Variants in MTMR3 observed in about 807,000 individuals in gnomAD.
MTMR3 encodes myotubularin related protein 3.
In MTMR3, 32 loss-of-function variants were observed where a neutral mutation model predicts 132.4. That is an observed-to-expected ratio of 0.24 (90% CI 0.18 to 0.32). The LOEUF is 0.32. Among genes scored for constraint, MTMR3 ranks in the 10% least tolerant of loss-of-function variants. The probability of loss-of-function intolerance (pLI) is 1.00; values close to 1 mark genes in which losing one functional copy is unlikely to be tolerated. For missense variants in MTMR3, 1,216 were observed against 1,489.6 expected (o/e 0.82, Z 3.02); for synonymous variants, 556 against 550.3 (o/e 1.01, Z -0.14).
In MTMR3 at chr22:29,912,864, C is replaced by T. The variant is rs188592429; in HGVS notation, c.-138+29505C>T. Reference sequence around the variant, plus strand: ...TACATCATCCAACTCTTGGCCTGAACTGTTTTAGCTGGCTTGCCTATGTAA... The same window carrying T: ...TACATCATCCAACTCTTGGCCTGAATTGTTTTAGCTGGCTTGCCTATGTAA... On this transcript the variant is annotated intron_variant, in intron 1 of 19. Transcript: ENST00000401950. 6.8e-4 allele frequency among the ~76,000 whole-genome samples: 103 copies of T among 152,330 alleles called. 1 individual carries two copies. Among genetic ancestry groups the T allele is most frequent in the Admixed American group, 1.9e-3 (29 of 15,296 alleles).
At chr22:29,897,513 C>T (rs558796677) in intron 1 of MTMR3, among the ~76,000 whole-genome samples, 11 of 152,184 alleles carry the variant, frequency 7.2e-5, no homozygotes, top group African/African-American at 2.2e-4. Flanking sequence ...TGTGCAGTGG[C>T]GCAATCTCTG....
At chr22:30,007,424 G>A (rs1174162551) in intron 10 of MTMR3, 105 bp downstream of exon 10, 2 of 1,110,006 alleles carry the variant, frequency 1.8e-6, no homozygotes, top group Non-Finnish European at 2.6e-6. Context: ...TTATAGAAGT[G>A]AATGTGCAGA....
At chr22:29,963,056 G>T (rs1249126646) in intron 2 of MTMR3, among the ~76,000 whole-genome samples, 4 of 151,822 alleles carry the variant, frequency 2.6e-5, no homozygotes, top group Admixed American at 1.3e-4. Context: ...GAGTAGCTGG[G>T]ACTACAGGCA....
intron 1 of MTMR3, among the ~76,000 whole-genome samples, chr22:29,896,867 T>TCACACACACACACACACACACACACACA (rs1491465662): frequency 2.2e-4 from 8 of 36,676 alleles, no homozygotes; most frequent in East Asian, 1.7e-3. Context: ...AACAGGCTTG[T>TCACACACACACACACACACACACACACA]CTCACACACA....
At chr22:29,953,072 TGTGTAAAA>T (rs2066115238) in intron 1 of MTMR3, among the ~76,000 whole-genome samples, 1 of 146,692 alleles carries the variant, frequency 6.8e-6, no homozygotes, top group African/African-American at 2.8e-5. Context: ...ATTAAATGCA[TGTGTAAAA>T]AAATCTATTT....
chr22:30,030,643 G>GT lies in MTMR3; in HGVS notation c.*4842_*4843insT, dbSNP rs1316407811. ...GGCTCTCAGCGAGGAGGGGGCGGGG[G>GT]GGGGGTCACTATTTATCTTCCAGAG... On this transcript the variant is annotated 3_prime_UTR_variant, in exon 20 of 20. Coordinates refer to ENST00000401950, the MANE Select transcript of MTMR3 (RefSeq NM_021090.4). The GT allele has an allele frequency of 2.0e-4, 21 of 107,094 alleles. No homozygotes were observed. Among genetic ancestry groups the GT allele is most frequent in the Non-Finnish European group, 1.3e-4 (7 of 53,618 alleles). The allele number at this position is 107,094 out of a possible 1,614,324, so 6.6% of individuals were successfully genotyped here. A position where few individuals can be genotyped will look rare whatever the true frequency, so the allele number is the denominator to read the frequency against.
At chr22:29,991,321 A>G (rs763007131) in intron 6 of MTMR3, 183 bp from the exon 7 acceptor site, 1 of 482,702 alleles carries the variant, frequency 2.1e-6, no homozygotes. Context: ...ATTTTGTTCC[A>G]TTGGCTAACA....
intron 12 of MTMR3, chr22:30,010,815 G>A (rs1208558342): frequency 6.6e-6 from 1 of 152,096 alleles, no homozygotes; most frequent in Non-Finnish European, 1.5e-5. Context: ...ATAAACAATT[G>A]ATCCATCAGG....
intron 1 of MTMR3, among the ~76,000 whole-genome samples, chr22:29,929,801 CGCGCCCG>C (rs2065605257): frequency 6.6e-6 from 1 of 152,108 alleles, no homozygotes; most frequent in Non-Finnish European, 1.5e-5. Flanking sequence ...CGTGAGCCAC[CGCGCCCG>C]GCCTCATAGA....
rs1255404188 is a variant in MTMR3, at chr22:29,973,591, C to G, written c.3+2529C>G. ...GGATTAATTGACTGGTCATCAGTCT[C>G]TCCTTCCCATGTACTTTATTTTTTT... On this transcript the variant is annotated intron_variant, in intron 3 of 19. Coordinates refer to ENST00000401950, the MANE Select transcript of MTMR3 (RefSeq NM_021090.4). Among the ~76,000 whole-genome samples, 4 of 152,018 alleles carry G rather than the reference C, an allele frequency of 2.6e-5. No homozygotes were observed. The East Asian group carries it at 7.7e-4, about 29-fold the overall frequency.
intron 1 of MTMR3, among the ~76,000 whole-genome samples, chr22:29,935,453 A>G (rs998346867): frequency 6.6e-6 from 1 of 152,224 alleles, no homozygotes; most frequent in African/African-American, 2.4e-5. Flanking sequence ...AACATTTAAA[A>G]AAGTGCTAGT....
At chr22:29,973,169 G>A (rs947166503) in intron 3 of MTMR3, among the ~76,000 whole-genome samples, 13 of 152,114 alleles carry the variant, frequency 8.5e-5, no homozygotes, top group Non-Finnish European at 1.9e-4. Context: ...ACTGTAAACC[G>A]CTGTACTAAT....
intron 1 of MTMR3, among the ~76,000 whole-genome samples, chr22:29,936,638 T>C (rs1243087839): frequency 6.6e-6 from 1 of 152,238 alleles, no homozygotes; most frequent in Admixed American, 6.5e-5. Context: ...TGTTCAACTT[T>C]AGAATGAATG....
chr22:29,899,312 C>T (rs1180690339), intron 1 of MTMR3, among the ~76,000 whole-genome samples: 1 of 152,180 alleles, frequency 6.6e-6, no homozygotes, highest in Non-Finnish European at 1.5e-5. Context: ...CTTGGCCTCC[C>T]AGAGTGCTGG....
chr22:29,906,276 CTGT>C (rs1411925054), intron 1 of MTMR3, among the ~76,000 whole-genome samples: 4 of 75,740 alleles, frequency 5.3e-5, no homozygotes, highest in African/African-American at 2.3e-4. Flanking sequence ...GTCTGTCTGT[CTGT>C]CTGTCTGTCT....
chr22:30,019,802 C>G lies in MTMR3; in HGVS notation c.2143C>G (p.Gln715Glu). Residue 715 changes from glutamine to glutamate, a missense_variant, in exon 17 of 20, where the codon CAG becomes GAG. By Grantham distance (29) the Gln-to-Glu change is conservative. This residue lies in a region of MTMR3 where 852 missense variants were observed against 852.0 expected (regional missense o/e 1.00). Coordinates refer to ENST00000401950, the MANE Select transcript of MTMR3 (RefSeq NM_021090.4). ...TGCCCACAGGGCAGGCATTGAGATA[C>G]AGGAGGGTAAAGAGGACCCTCTCTT... is the stretch of plus-strand genomic sequence containing the variant. Reference protein sequence around the residue: ...EPAHRAGIEIQEGKEDPLLEK... With the variant: ...EPAHRAGIEIEEGKEDPLLEK... The G allele has an allele frequency of 6.2e-7, 1 of 1,614,194 alleles. No individual in the cohort carries two copies. The highest frequency in any genetic ancestry group is 1.3e-5 in the African/African-American group (1 of 75,056).
At position 30,007,763 on chromosome 22, in the gene MTMR3, A is replaced by G. The variant is rs892129674; in HGVS notation, c.878-138A>G. 22 of 994,610 alleles carry G rather than the reference A, an allele frequency of 2.2e-5. 1 individual carries two copies. The highest frequency in any genetic ancestry group is 1.6e-4 in the South Asian group (9 of 56,080). The allele number at this position is 994,610 out of a possible 1,614,324, so 61.6% of individuals were successfully genotyped here. ...ACATAGAAAAAAAGAGAAAAATCCT[A>G]TGTATCAAGGGTTTTGGTTAGGGGA... is the stretch of plus-strand genomic sequence containing the variant. On this transcript the variant is annotated intron_variant, in intron 10 of 19. Transcript: ENST00000401950.
At chr22:30,004,391 AT>A (rs1001073058) in intron 9 of MTMR3, 6 of 152,276 alleles carry the variant, frequency 3.9e-5, no homozygotes, top group African/African-American at 1.4e-4. Flanking sequence ...AGGTACTCTT[AT>A]TTGCAAAATA....
rs368999607 is a variant in MTMR3, at chr22:29,957,650, G to C, written c.-85+562G>C. ...ACTTTTTTTGTAGAGACAGGATCTC[G>C]TTCTGTTGCCCAGGCTGATATAGTT... On this transcript the variant is annotated intron_variant, in intron 2 of 19. Coordinates refer to ENST00000401950, the MANE Select transcript of MTMR3 (RefSeq NM_021090.4). Among the ~76,000 whole-genome samples, 5 of 151,884 alleles carry C rather than the reference G, an allele frequency of 3.3e-5. No homozygotes were observed. In the South Asian group the frequency reaches 8.3e-4, roughly 25 times the overall value.
Sources: gnomAD v4.1 joint callset for allele counts (sites outside exome capture counted in the v4.1 genomes callset) on GRCh38, gnomAD v4.1.1 for gene constraint, gnomAD v4.1.1 regional missense constraint, MANE v1.5 for transcripts, NCBI Gene and HGNC (gene_info 2026-07-23, HGNC 2026-07-21) for gene names.